The following KCTD21 variants were observed in gnomAD, a reference collection of about 807,000 sequenced individuals.
KCTD21 encodes the protein potassium channel tetramerization domain containing 21, also known as BTB/POZ domain-containing protein KCTD21.
Under a neutral mutation model 13.2 loss-of-function variants are expected in KCTD21, and 9 were observed. The ratio of observed to expected loss-of-function variants is 0.68; its 90% CI spans 0.41 to 1.19. KCTD21 has a LOEUF of 1.19. KCTD21 is among the 50% of genes most tolerant of loss of function. The pLI is 0.01. For missense variants in KCTD21, 303 were observed against 336.5 expected, an observed-to-expected ratio of 0.90 and a Z score of 0.78; for synonymous variants, 142 against 137.4, an observed-to-expected ratio of 1.03 and a Z score of -0.23.
At chr11:78,182,496 G>A (rs1188825342) in intron 1 of KCTD21, among the ~76,000 whole-genome samples, 1 of 152,164 alleles carries the variant, frequency 6.6e-6, no homozygotes, top group Non-Finnish European at 1.5e-5. Flanking sequence ...TCCCTCTGTG[G>A]TTTTAAAACA....
At chr11:78,185,097 G>T (rs1252067682) in intron 1 of KCTD21, among the ~76,000 whole-genome samples, 6 of 152,126 alleles carry the variant, frequency 3.9e-5, no homozygotes, top group Admixed American at 6.5e-5. Flanking sequence ...TACATATAAT[G>T]TATTATGGCT....
In KCTD21 at chr11:78,172,467, T is replaced by C; in HGVS notation, c.*1305A>G. On this transcript the variant is annotated 3_prime_UTR_variant, in exon 2 of 2. Coordinates refer to ENST00000340067, the MANE Select transcript of KCTD21 (RefSeq NM_001029859.3). ...GTCGAAAGGTATATGGAGCCACAGA[T>C]GGTGGGGAAGGTGGGTGAAGTGGGG... 6.6e-6 allele frequency: 1 copy of C among 151,990 alleles called. No individual in the cohort carries two copies. The highest frequency in any genetic ancestry group is 1.9e-4 in the East Asian group (1 of 5,164). 9.4% of individuals were successfully genotyped at this position (151,990 alleles called of 1,614,324 possible).
Position 78,173,344 on chromosome 11 carries a change from T to TCGCCG in KCTD21, c.*427_*428insCGGCG. On this transcript the variant is annotated 3_prime_UTR_variant, in exon 2 of 2. Coordinates refer to ENST00000340067, the MANE Select transcript of KCTD21 (RefSeq NM_001029859.3). ...GGTGTGACAGGAACCGCTGGGGACT[T>TCGCCG]TATGTCCTGGTTAACTGGAGGTAGC... 6.1e-6 allele frequency: 1 copy of TCGCCG among 164,826 alleles called. No individual in the cohort carries two copies. The highest frequency in any genetic ancestry group is 1.3e-5 in the Non-Finnish European group (1 of 74,692). The allele number at this position is 164,826 out of a possible 1,614,324, so 10.2% of individuals were successfully genotyped here. A position where few individuals can be genotyped will look rare whatever the true frequency, so the allele number is the denominator to read the frequency against.
intron 1 of KCTD21, 39 bp from the exon 2 acceptor site, chr11:78,174,622 C>T (rs769055459): frequency 7.0e-7 from 1 of 1,421,308 alleles, no homozygotes. Flanking sequence ...TATAACCAAA[C>T]CTTATCAGAG....
At chr11:78,187,318 T>C (rs1862810450) in intron 1 of KCTD21, 2 of 985,302 alleles carry the variant, frequency 2.0e-6, no homozygotes, top group Non-Finnish European at 1.2e-6. Context: ...AATTCTGTCT[T>C]GCCCAGTCCA....
At chr11:78,181,762 A>G (rs1862627697) in intron 1 of KCTD21, among the ~76,000 whole-genome samples, 1 of 152,140 alleles carries the variant, frequency 6.6e-6, no homozygotes, top group Non-Finnish European at 1.5e-5. Context: ...CCTGGAAAAC[A>G]TAGTAAGACC....
Position 78,173,346 on chromosome 11 carries a change from ATG to A in KCTD21, c.*424_*425del. 1.2e-5 allele frequency: 2 copies of A among 164,822 alleles called. No homozygotes were observed. The highest frequency in any genetic ancestry group is 5.6e-5 in the Admixed American group (1 of 17,882). 10.2% of individuals were successfully genotyped at this position (164,822 alleles called of 1,614,324 possible). Reference sequence around the variant, plus strand: ...TGTGACAGGAACCGCTGGGGACTTTATGTCCTGGTTAACTGGAGGTAGCCTCT... The same window carrying A: ...TGTGACAGGAACCGCTGGGGACTTTATCCTGGTTAACTGGAGGTAGCCTCT... On this transcript the variant is annotated 3_prime_UTR_variant, in exon 2 of 2. Transcript: ENST00000340067.
Position 78,173,088 on chromosome 11 carries a change from C to A in KCTD21, c.*684G>T, listed in dbSNP as rs966399740. On this transcript the variant is annotated 3_prime_UTR_variant, in exon 2 of 2. Transcript: ENST00000340067. ...TGCACATTTTTGCAAAGATAGCAGA[C>A]CCTTTCTAAAGCCAGGAATCCCTTG... The A allele has an allele frequency of 1.3e-5, 2 of 152,294 alleles. No homozygotes were observed. The highest frequency in any genetic ancestry group is 2.9e-5 in the Non-Finnish European group (2 of 68,052). 9.4% of individuals were successfully genotyped at this position (152,294 alleles called of 1,614,324 possible).
chr11:78,187,506 G>C (rs1376261694), intron 1 of KCTD21: 24 of 985,228 alleles, frequency 2.4e-5, no homozygotes, highest in Non-Finnish European at 2.9e-5. Flanking sequence ...CTTTCATCTG[G>C]CGTAGACCTC....
intron 1 of KCTD21, chr11:78,187,895 G>C (rs1384131873): frequency 1.0e-6 from 1 of 985,282 alleles, no homozygotes; most frequent in African/African-American, 1.7e-5. Context: ...AGTGGTTTTA[G>C]GCAAGTCCCT....
chr11:78,183,795 T>C (rs899456435), intron 1 of KCTD21, among the ~76,000 whole-genome samples: 10 of 151,620 alleles, frequency 6.6e-5, no homozygotes, highest in Non-Finnish European at 1.2e-4. Flanking sequence ...GCCACCTCGC[T>C]CGGCTAATTT....
intron 1 of KCTD21, chr11:78,176,150 GT>G (rs1286875393): frequency 6.6e-6 from 1 of 152,154 alleles, no homozygotes; most frequent in Admixed American, 6.6e-5. Flanking sequence ...GGACATTTGG[GT>G]TGGTTCCAAG....
chr11:78,174,623 C>A (rs1862392874), intron 1 of KCTD21, 40 bp from the exon 2 acceptor site: 11 of 1,411,202 alleles, frequency 7.8e-6, no homozygotes, highest in African/African-American at 2.9e-5. Flanking sequence ...ATAACCAAAC[C>A]TTATCAGAGA....
At chr11:78,188,096 G>C in intron 1 of KCTD21, 9 of 985,372 alleles carry the variant, frequency 9.1e-6, no homozygotes, top group Non-Finnish European at 1.1e-5. Flanking sequence ...CAGCGCGGCC[G>C]GCCCAGGGCT....
chr11:78,180,272 T>G (rs1368326750), intron 1 of KCTD21, among the ~76,000 whole-genome samples: 1 of 152,204 alleles, frequency 6.6e-6, no homozygotes, highest in East Asian at 1.9e-4. Context: ...AAGACACAGA[T>G]GGAGAAAATA....
At chr11:78,185,102 A>G (rs889974855) in intron 1 of KCTD21, among the ~76,000 whole-genome samples, 3 of 152,196 alleles carry the variant, frequency 2.0e-5, no homozygotes, top group African/African-American at 7.2e-5. Flanking sequence ...ATAATGTATT[A>G]TGGCTATGTA....
chr11:78,176,573 G>A (rs1862454417), intron 1 of KCTD21, among the ~76,000 whole-genome samples: 1 of 152,182 alleles, frequency 6.6e-6, no homozygotes, highest in Non-Finnish European at 1.5e-5. Context: ...GGGATGCCAA[G>A]AGGAACTGGC....
intron 1 of KCTD21, among the ~76,000 whole-genome samples, chr11:78,183,676 C>G (rs1419108019): frequency 6.6e-6 from 1 of 150,930 alleles, no homozygotes; most frequent in Non-Finnish European, 1.5e-5. Context: ...TCACTGTCGC[C>G]CAGGCTGGAG....
intron 1 of KCTD21, among the ~76,000 whole-genome samples, chr11:78,185,263 G>C (rs983937769): frequency 3.3e-5 from 5 of 152,096 alleles, no homozygotes; most frequent in Admixed American, 6.6e-5. Flanking sequence ...GCGTATCTAG[G>C]TTAAGGGTTG....
Sources: allele counts gnomAD v4.1 joint callset (sites outside exome capture counted in the v4.1 genomes callset), GRCh38; gene constraint gnomAD v4.1.1; transcripts MANE v1.5; gene names NCBI Gene and HGNC (gene_info 2026-07-23, HGNC 2026-07-21).